The following KCNJ6 variants were observed in gnomAD, a reference collection of about 807,000 sequenced individuals.
The protein encoded by KCNJ6 is G protein-activated inward rectifier potassium channel 2.
In KCNJ6, 9 loss-of-function variants were observed where a neutral mutation model predicts 34.2. The observed-to-expected ratio is 0.26, with a 90% confidence interval of 0.16 to 0.46. KCNJ6 has a LOEUF of 0.46. KCNJ6 is among the 20% of genes least tolerant of loss of function. KCNJ6 has a pLI of 1.00. For missense variants in KCNJ6, 236 were observed against 531.3 expected (o/e 0.44, Z 5.46); for synonymous variants, 196 against 207.1 (o/e 0.95, Z 0.46).
chr21:37,684,161 G>GC (rs77010461), intron 3 of KCNJ6, among the ~76,000 whole-genome samples: 152,306 of 152,306 alleles, frequency 1, 76,153 homozygotes, highest in Non-Finnish European at 1. Flanking sequence ...GAGGCTGGAA[G>GC]CTGAGATCCA....
intron 2 of KCNJ6, among the ~76,000 whole-genome samples, chr21:37,778,402 A>G (rs2055152692): frequency 6.6e-6 from 1 of 152,210 alleles, no homozygotes; most frequent in African/African-American, 2.4e-5. Flanking sequence ...CCTAGAGAAC[A>G]TGGAAAGACA....
chr21:37,883,879 G>A (rs946261537), intron 1 of KCNJ6, among the ~76,000 whole-genome samples: 2 of 152,242 alleles, frequency 1.3e-5, no homozygotes, highest in South Asian at 2.1e-4. Context: ...AGAAATAAGT[G>A]AGCCCCTGTT....
At chr21:37,881,163 A>G (rs958972939) in intron 1 of KCNJ6, among the ~76,000 whole-genome samples, 2 of 152,144 alleles carry the variant, frequency 1.3e-5, no homozygotes, top group African/African-American at 4.8e-5. Flanking sequence ...TCAGGGGCTG[A>G]GCCTAGCACA....
At chr21:37,840,217 A>C (rs1180133790) in intron 2 of KCNJ6, among the ~76,000 whole-genome samples, 1 of 152,244 alleles carries the variant, frequency 6.6e-6, no homozygotes. Context: ...CCATTTTTTA[A>C]TAGTTCTGTC....
At chr21:37,831,822 T>A (rs984886716) in intron 2 of KCNJ6, among the ~76,000 whole-genome samples, 8 of 152,068 alleles carry the variant, frequency 5.3e-5, no homozygotes, top group Non-Finnish European at 8.8e-5. Flanking sequence ...AAGGCGGTCT[T>A]GCGGGGAGAG....
At chr21:37,669,220 C>G (rs190723065) in intron 3 of KCNJ6, among the ~76,000 whole-genome samples, 2 of 152,212 alleles carry the variant, frequency 1.3e-5, no homozygotes, top group African/African-American at 2.4e-5. Flanking sequence ...GGCACCCCCC[C>G]ACCTTCCAGT....
rs1286347201 is a variant in KCNJ6, at chr21:37,695,069, T to C, written c.946+19142A>G. ...CCTGAGCTGACTAATATACACAGCA[T>C]ATAACACAGCCAATTTCAGGGGTGG... On this transcript the variant is annotated intron_variant, in intron 3 of 3. Transcript: ENST00000609713. The surrounding 1 kb of genome is among the most constrained non-coding windows in gnomAD (Gnocchi z 4.2). Among the ~76,000 whole-genome samples the C allele has an allele frequency of 6.6e-6, 1 of 152,200 alleles. No homozygotes were observed.
At chr21:37,658,819 G>A (rs147018100) in intron 3 of KCNJ6, among the ~76,000 whole-genome samples, 176 of 152,290 alleles carry the variant, frequency 1.2e-3, no homozygotes, top group Non-Finnish European at 1.9e-3. Flanking sequence ...GGCCAGTAGC[G>A]GAGCCCAGGG....
At chr21:37,644,494 A>G (rs527747028) in intron 3 of KCNJ6, among the ~76,000 whole-genome samples, 155 of 152,302 alleles carry the variant, frequency 1.0e-3, no homozygotes, top group African/African-American at 3.4e-3. Flanking sequence ...TATAAGATGC[A>G]TGTGTCTAAG....
intron 2 of KCNJ6, among the ~76,000 whole-genome samples, chr21:37,744,410 C>T (rs2054956827): frequency 6.6e-6 from 1 of 152,036 alleles, no homozygotes; most frequent in Non-Finnish European, 1.5e-5. Flanking sequence ...ATTTGGAATG[C>T]CCTGGAAACA....
At chr21:37,646,565 A>G (rs2054405136) in intron 3 of KCNJ6, among the ~76,000 whole-genome samples, 1 of 152,240 alleles carries the variant, frequency 6.6e-6, no homozygotes, top group South Asian at 2.1e-4. Context: ...GGCATGTTCC[A>G]GTTCCAGCAG....
chr21:37,886,590 C>T (rs2055736561), intron 1 of KCNJ6, among the ~76,000 whole-genome samples: 1 of 152,212 alleles, frequency 6.6e-6, no homozygotes, highest in African/African-American at 2.4e-5. Flanking sequence ...AATAAGGCAT[C>T]ACGCATATAG....
At chr21:37,827,006 T>A (rs530249138) in intron 2 of KCNJ6, among the ~76,000 whole-genome samples, 1 of 152,120 alleles carries the variant, frequency 6.6e-6, no homozygotes, top group South Asian at 2.1e-4. Flanking sequence ...CAGGAGAAAA[T>A]AATTTTGGGA....
chr21:37,644,827 G>GC (rs1022560800), intron 3 of KCNJ6, among the ~76,000 whole-genome samples: 7 of 152,166 alleles, frequency 4.6e-5, no homozygotes, highest in Admixed American at 1.3e-4. Flanking sequence ...AAAAGGAAAT[G>GC]CCTTGAGCGT....
In KCNJ6 at chr21:37,625,488, C is replaced by A; in HGVS notation, c.947-4G>T. The A allele has an allele frequency of 6.2e-7, 1 of 1,607,908 alleles. No homozygotes were observed. The highest frequency in any genetic ancestry group is 8.5e-7 in the Non-Finnish European group (1 of 1,175,952). On this transcript the variant is annotated splice_polypyrimidine_tract_variant and splice_region_variant and intron_variant, in intron 3 of 3. Transcript: ENST00000609713. ...CTTCGAGCTTGGCATGTCATCCCTGCAGAGAGAAGAATGGAGGCTTTAGCA... is the reference window on the plus strand; with the variant it reads ...CTTCGAGCTTGGCATGTCATCCCTGAAGAGAGAAGAATGGAGGCTTTAGCA...
rs922888936 is a variant in KCNJ6, at chr21:37,614,721, T to C, written c.*10438A>G. ...TGGTGTGTGTATGCATGTGCATGTA[T>C]GCGTGTGTGTGTATGCGCATGTCTC... is the stretch of plus-strand genomic sequence containing the variant. On this transcript the variant is annotated 3_prime_UTR_variant, in exon 4 of 4. Transcript: ENST00000609713. 2 of 149,824 alleles carry C rather than the reference T, an allele frequency of 1.3e-5. No individual in the cohort carries two copies. The highest frequency in any genetic ancestry group is 2.4e-5 in the African/African-American group (1 of 40,890). 9.3% of individuals were successfully genotyped at this position (149,824 alleles called of 1,614,324 possible).
chr21:37,715,163 G>A (rs2054783733), intron 2 of KCNJ6, 32 bp from the exon 3 acceptor site: 1 of 1,562,330 alleles, frequency 6.4e-7, no homozygotes, highest in African/African-American at 1.4e-5. Context: ...AAGAAACACT[G>A]AATGAAAGGC....
rs1205095956 is a variant in KCNJ6, at chr21:37,617,809, G to C, written c.*7350C>G. On this transcript the variant is annotated 3_prime_UTR_variant, in exon 4 of 4. Transcript: ENST00000609713. ...TACCCTGACTCCATTTATTTTACTT[G>C]GACTTTCACATGGGAGGGCACCCCT... 1 of 152,232 alleles carries C rather than the reference G, an allele frequency of 6.6e-6. No individual in the cohort carries two copies. Among genetic ancestry groups the C allele is most frequent in the African/African-American group, 2.4e-5 (1 of 41,442 alleles). 9.4% of individuals were successfully genotyped at this position (152,232 alleles called of 1,614,324 possible). A position where few individuals can be genotyped will look rare whatever the true frequency, so the allele number is the denominator to read the frequency against.
intron 1 of KCNJ6, among the ~76,000 whole-genome samples, chr21:37,866,935 T>C (rs536760115): frequency 6.6e-6 from 1 of 152,358 alleles, no homozygotes; most frequent in South Asian, 2.1e-4. Context: ...ATTCAGCTAT[T>C]TTTACAATCT....
Sources: allele counts gnomAD v4.1 joint callset (sites outside exome capture counted in the v4.1 genomes callset), GRCh38; gene constraint gnomAD v4.1.1; non-coding constraint Gnocchi (gnomAD v3.1); transcripts MANE v1.5; gene names NCBI Gene and HGNC (gene_info 2026-07-23, HGNC 2026-07-21).